The following ZFP92 variants were observed in gnomAD, a reference collection of about 807,000 sequenced individuals.
ZFP92 encodes the protein ZFP92 zinc finger protein, also known as zinc finger protein 92 homolog.
A neutral mutation model predicts 7.6 loss-of-function variants in ZFP92; 2 were observed. The observed-to-expected ratio is 0.26, with a 90% CI of 0.11 to 0.83. The LOEUF (loss-of-function observed/expected upper bound fraction) is 0.83, where lower values mean the gene tolerates loss of function less well. ZFP92 is among the 40% of genes least tolerant of loss of function. The pLI is 0.65. For missense variants in ZFP92, 324 were observed against 408.3 expected (o/e 0.79, Z 1.78); for synonymous variants, 226 against 183.6 (o/e 1.23, Z -1.87).
Position 153,420,719 on chromosome X carries a change from A to G in ZFP92, c.342A>G (p.Gln114=). 8.7e-7 allele frequency: 1 copy of G among 1,153,234 alleles called. No individual in the cohort carries two copies. Among genetic ancestry groups the G allele is most frequent in the Non-Finnish European group, 1.2e-6 (1 of 864,157 alleles). Residue 114 remains glutamine, a synonymous_variant, in exon 6 of 6, where the codon CAA becomes CAG. Coordinates refer to ENST00000338647, the MANE Select transcript of ZFP92 (RefSeq NM_001136273.2). ...GACAACTCCCCGGGGCCGATCCACA[A>G]GGTGGCAAGGAGGGGCAGGCGGCGA... ...SGRQLPGADP[Q]GGKEGQAARS...
rs1157906013 is a variant in ZFP92 at position 153,422,212 on chromosome X, C to A, written c.*584C>A. 9.0e-6 allele frequency: 1 copy of A among 111,557 alleles called. No individual in the cohort carries two copies. The highest frequency in any genetic ancestry group is 1.9e-5 in the Non-Finnish European group (1 of 53,104). The allele number at this position is 111,557 out of a possible 1,213,427, so 9.2% of individuals were successfully genotyped here. A position where few individuals can be genotyped will look rare whatever the true frequency, so the allele number is the denominator to read the frequency against. On this transcript the variant is annotated 3_prime_UTR_variant, in exon 6 of 6. Coordinates refer to ENST00000338647, the MANE Select transcript of ZFP92 (RefSeq NM_001136273.2). ...ACTGAAAGCACTTTAATCCTTTAAG[C>A]GCTTATATTGCAGGTGGGGGAGGCG...
At chrX:153,414,612 G>A (rs1380175113) in intron 2 of ZFP92, among the ~76,000 whole-genome samples, 6 of 111,927 alleles carry the variant, frequency 5.4e-5, no homozygotes, top group South Asian at 3.8e-4. Flanking sequence ...GCCTCCCAAA[G>A]TGCTGGGATT....
At chrX:153,419,615 C>T (rs1197188185) in intron 4 of ZFP92, among the ~76,000 whole-genome samples, 2 of 112,594 alleles carry the variant, frequency 1.8e-5, no homozygotes, top group East Asian at 5.6e-4. Context: ...GAAATGGAAA[C>T]ACTCCACTTC....
At position 153,418,339 on chromosome X, in the gene ZFP92, T is replaced by C; in HGVS notation, c.17T>C (p.Leu6Pro). 4.3e-6 allele frequency: 5 copies of C among 1,167,844 alleles called. No homozygotes were observed. The highest frequency in any genetic ancestry group is 4.6e-6 in the Non-Finnish European group (4 of 872,964). The change falls in exon 3 of 6, where the codon CTG (leucine) becomes CCG (proline). Residue 6 changes from leucine (L) to proline (P), a missense_variant. Physicochemically the swap from Leu to Pro is moderately conservative, Grantham distance 98 (BLOSUM62 -3). Transcript: ENST00000338647. The stretch of plus-strand genomic sequence containing the variant: ...GCCCTGGTGATGGCAGCCATTCTCC[T>C]GACCACGAGACCCAAGGTGAGTGGT... MAAIL[L>P]TTRPKVPVSF...
chrX:153,418,588 CG>C, intron 3 of ZFP92, 84 bp from the exon 4 acceptor site: 1 of 1,125,839 alleles, frequency 8.9e-7, no homozygotes, highest in South Asian at 2.1e-5. Context: ...GGGCTCCCCC[CG>C]CCCCCCACAT....
In ZFP92 at chrX:153,421,155, G is replaced by C; in HGVS notation, c.778G>C (p.Gly260Arg). 8.5e-7 allele frequency: 1 copy of C among 1,180,799 alleles called. No homozygotes were observed. Among genetic ancestry groups the C allele is most frequent in the Non-Finnish European group, 1.1e-6 (1 of 880,245 alleles). ...ALLEHARVHSGERPYACPECG... is the reference protein window; with the variant it reads ...ALLEHARVHSRERPYACPECG... ...CCTGGAGCACGCGCGCGTGCACAGC[G>C]GCGAGCGGCCCTACGCGTGCCCAGA... Residue 260 changes from glycine to arginine, a missense_variant, in exon 6 of 6, where the codon GGC (glycine) becomes CGC (arginine). Physicochemically the swap from Gly to Arg is moderately radical, Grantham distance 125. Transcript: ENST00000338647.
At chrX:153,417,236 G>C (rs781956173) in intron 2 of ZFP92, among the ~76,000 whole-genome samples, 2 of 112,442 alleles carry the variant, frequency 1.8e-5, no homozygotes, top group African/African-American at 3.2e-5. Context: ...ACTTCCTGCT[G>C]TCCCTCCAGG....
chrX:153,417,587 C>T (rs979766543), intron 2 of ZFP92, among the ~76,000 whole-genome samples: 1 of 111,605 alleles, frequency 9.0e-6, no homozygotes, highest in African/African-American at 3.3e-5. Context: ...GGTCAGGGGA[C>T]GCTGGCCACA....
At position 153,422,974 on chromosome X, in the gene ZFP92, C is replaced by T. The variant is rs1399718202; in HGVS notation, c.*1346C>T. 2 of 112,517 alleles carry T rather than the reference C, an allele frequency of 1.8e-5. No homozygotes were observed. Among genetic ancestry groups the T allele is most frequent in the African/African-American group, 6.5e-5 (2 of 30,940 alleles). The allele number at this position is 112,517 out of a possible 1,213,427, so 9.3% of individuals were successfully genotyped here. On this transcript the variant is annotated 3_prime_UTR_variant, in exon 6 of 6. Transcript: ENST00000338647. ...CTTCTCCCTACAACGATGCAGTCCACCCCTCTTCCCCTTAGCCCTGCAGAA... is the reference window on the plus strand; with the variant it reads ...CTTCTCCCTACAACGATGCAGTCCATCCCTCTTCCCCTTAGCCCTGCAGAA...
chrX:153,421,735 G>T lies in ZFP92; in HGVS notation c.*107G>T. On this transcript the variant is annotated 3_prime_UTR_variant, in exon 6 of 6. Transcript: ENST00000338647. ...GGGAAGACCGCCCTCCCAGGGCCTC[G>T]ATTGCGGCCACAGCCCTGACCTCTT... is the stretch of plus-strand genomic sequence containing the variant. The T allele has an allele frequency of 1.2e-6, 1 of 865,749 alleles. No homozygotes were observed. The highest frequency in any genetic ancestry group is 1.4e-6 in the Non-Finnish European group (1 of 701,389). 71.3% of individuals were successfully genotyped at this position (865,749 alleles called of 1,213,427 possible). A position where few individuals can be genotyped will look rare whatever the true frequency, so the allele number is the denominator to read the frequency against.
chrX:153,413,915 C>T (rs2088929410), intron 2 of ZFP92, among the ~76,000 whole-genome samples: 1 of 112,354 alleles, frequency 8.9e-6, no homozygotes. Flanking sequence ...CTGGGTCTTC[C>T]GATGCTGCAC....
chrX:153,419,856 C>A (rs143184714), intron 4 of ZFP92, among the ~76,000 whole-genome samples: 1 of 112,053 alleles, frequency 8.9e-6, no homozygotes, highest in Admixed American at 9.4e-5. Context: ...ATTCAGCTTT[C>A]GGGGCCTATG....
intron 2 of ZFP92, among the ~76,000 whole-genome samples, chrX:153,416,697 C>A (rs1025523067): frequency 2.7e-5 from 3 of 111,857 alleles, no homozygotes; most frequent in Middle Eastern, 4.6e-3. Flanking sequence ...CAATCTTTTA[C>A]CCCCCTGTCC....
At chrX:153,418,246 G>A (rs782405969) in intron 2 of ZFP92, 59 bp from the exon 3 acceptor site, 233 of 1,135,176 alleles carry the variant, frequency 2.1e-4, no homozygotes, top group Admixed American at 7.5e-4. Context: ...CAAGCAGGTC[G>A]CAGATTGGCT....
chrX:153,421,375 C>A lies in ZFP92; in HGVS notation c.998C>A (p.Ser333Ter). Residue 333 changes from serine (S) to a stop codon, truncating the protein, a stop_gained, in exon 6 of 6, where the codon TCG becomes TAG. Coordinates refer to ENST00000338647, the MANE Select transcript of ZFP92 (RefSeq NM_001136273.2). LOFTEE classifies it low-confidence loss of function (END_TRUNC). ...TGCGGCAAGGCCTTCCGTGGCCGTT[C>A]GGGCCTCAGCCAGCACCGGCGCGTG... ...RECGKAFRGR[S>*]GLSQHRRVHS... 1 of 1,158,813 alleles carries A rather than the reference C, an allele frequency of 8.6e-7. No homozygotes were observed. Among genetic ancestry groups the A allele is most frequent in the Non-Finnish European group, 1.1e-6 (1 of 872,652 alleles).
chrX:153,412,406 G>C (rs1030010234), intron 2 of ZFP92, among the ~76,000 whole-genome samples: 1 of 112,588 alleles, frequency 8.9e-6, no homozygotes, highest in African/African-American at 3.2e-5. Flanking sequence ...GGGACACGGC[G>C]GTAGTAAGCC....
At chrX:153,418,384 T>C (rs1556974249) in intron 3 of ZFP92, 29 bp downstream of exon 3, 2 of 1,162,812 alleles carry the variant, frequency 1.7e-6, no homozygotes, top group South Asian at 1.9e-5. Flanking sequence ...CCCTGGCCTC[T>C]CCCCCTGGCA....
At position 153,425,427 on chromosome X, in the gene ZFP92, G is replaced by A. The variant is rs782629896; in HGVS notation, c.*3799G>A. On this transcript the variant is annotated 3_prime_UTR_variant, in exon 6 of 6. Transcript: ENST00000338647. ...TGGGCTAAAGGGTCAGTTAGAACCA[G>A]AGTATGGAGAGTCTGGGATGCCATA... 23 of 112,060 alleles carry A rather than the reference G, an allele frequency of 2.1e-4. No individual in the cohort carries two copies. Among genetic ancestry groups the A allele is most frequent in the African/African-American group, 7.5e-4 (23 of 30,851 alleles). The allele number at this position is 112,060 out of a possible 1,213,427, so 9.2% of individuals were successfully genotyped here. A position where few individuals can be genotyped will look rare whatever the true frequency, so the allele number is the denominator to read the frequency against.
Position 153,423,056 on chromosome X carries a change from A to G in ZFP92, c.*1428A>G, listed in dbSNP as rs1285638628. 1 of 107,901 alleles carries G rather than the reference A, an allele frequency of 9.3e-6. No individual in the cohort carries two copies. Among genetic ancestry groups the G allele is most frequent in the Admixed American group, 9.5e-5 (1 of 10,518 alleles). 8.9% of individuals were successfully genotyped at this position (107,901 alleles called of 1,213,427 possible). A position where few individuals can be genotyped will look rare whatever the true frequency, so the allele number is the denominator to read the frequency against. On this transcript the variant is annotated 3_prime_UTR_variant, in exon 6 of 6. Coordinates refer to ENST00000338647, the MANE Select transcript of ZFP92 (RefSeq NM_001136273.2). ...GAAAGCCAAGGGGAATTCTCAAGGA[A>G]AAGTCTCAGGGCTGGCAGAGGCAGC...
Sources: gnomAD v4.1 joint callset for allele counts (sites outside exome capture counted in the v4.1 genomes callset) on GRCh38, gnomAD v4.1.1 for gene constraint, MANE v1.5 for transcripts, NCBI Gene and HGNC (gene_info 2026-07-23, HGNC 2026-07-21) for gene names.